The following CDH15 variants were observed in gnomAD, a reference collection of about 807,000 sequenced individuals.
CDH15 encodes cadherin 15.
CDH15 carries 73 observed loss-of-function variants against 69.4 expected under a neutral mutation model. That is an observed-to-expected ratio of 1.05 (90% CI 0.87 to 1.28). CDH15 has a LOEUF of 1.28. CDH15 is among the 50% of genes most tolerant of loss of function. CDH15 has a pLI of 0.00. For synonymous variants in CDH15, 624 were observed against 507.7 expected (o/e 1.23, Z -3.08); for missense variants, 1,343 against 1,133.6 (o/e 1.18, Z -2.65).
Position 89,185,321 on chromosome 16 carries a change from G to A in CDH15, c.651G>A (p.Gly217=), listed in dbSNP as rs970591786. ...LTGEIRTVQV[G]LDREVVAVYN... The stretch of plus-strand genomic sequence containing the variant: ...GAGAGATCCGCACAGTGCAAGTGGG[G>A]CTGGACCGCGAGGTGAGGTGGCGCC... Residue 217 remains glycine, a synonymous_variant, in exon 5 of 14, where the codon GGG becomes GGA. Transcript: ENST00000289746. 6.2e-7 allele frequency: 1 copy of A among 1,602,196 alleles called. No individual in the cohort carries two copies. Among genetic ancestry groups the A allele is most frequent in the Non-Finnish European group, 8.5e-7 (1 of 1,174,724 alleles).
At chr16:89,194,587 C>A (rs894094499) in intron 13 of CDH15, among the ~76,000 whole-genome samples, 1 of 152,178 alleles carries the variant, frequency 6.6e-6, no homozygotes, top group African/African-American at 2.4e-5. Flanking sequence ...GGGGAGCAAC[C>A]CCTTCCCACC....
intron 5 of CDH15, among the ~76,000 whole-genome samples, chr16:89,186,540 C>G (rs368567018): frequency 1.5e-5 from 2 of 132,544 alleles, no homozygotes; most frequent in Admixed American, 7.6e-5. Context: ...TCTGTAAACG[C>G]TTACCCAGCG....
intron 5 of CDH15, chr16:89,185,755 G>A (rs1253715999): frequency 7.0e-6 from 2 of 284,852 alleles, no homozygotes; most frequent in African/African-American, 4.4e-5. Flanking sequence ...CTGTTACGTG[G>A]TCTTTGTCCA....
At chr16:89,179,395 A>G (rs755817977) in intron 1 of CDH15, 21 bp from the exon 2 acceptor site, 1 of 1,613,182 alleles carries the variant, frequency 6.2e-7, no homozygotes, top group Non-Finnish European at 8.5e-7. Context: ...GTACTGTGGG[A>G]CGCATCTGTC....
In CDH15 at chr16:89,193,461, AT is replaced by A. The variant is rs1915705903; in HGVS notation, c.1856-7del. 1.9e-6 allele frequency: 3 copies of A among 1,598,244 alleles called. No individual in the cohort carries two copies. The highest frequency in any genetic ancestry group is 1.7e-6 in the Non-Finnish European group (2 of 1,172,350). On this transcript the variant is annotated splice_region_variant and splice_polypyrimidine_tract_variant and intron_variant, in intron 11 of 13. Coordinates refer to ENST00000289746, the MANE Select transcript of CDH15 (RefSeq NM_004933.3). ...GCCTGGCCCCAGCCTGCGTCCCCTC[AT>A]TCCCCAGTGCTGGTCCTGCTCGTGG...
intron 1 of CDH15, among the ~76,000 whole-genome samples, chr16:89,173,133 G>A (rs1045272713): frequency 9.9e-5 from 15 of 152,134 alleles, no homozygotes; most frequent in African/African-American, 2.4e-4. Flanking sequence ...AGACAGTGGT[G>A]GGGGGAGACA....
chr16:89,190,824 T>C (rs1915621146), intron 8 of CDH15, among the ~76,000 whole-genome samples: 1 of 152,078 alleles, frequency 6.6e-6, no homozygotes, highest in Non-Finnish European at 1.5e-5. Context: ...TCCCTGTCTG[T>C]GTCCACGGGG....
intron 5 of CDH15, 156 bp downstream of exon 5, chr16:89,185,489 G>A (rs1247102489): frequency 2.2e-6 from 2 of 892,276 alleles, no homozygotes; most frequent in Non-Finnish European, 3.6e-6. Flanking sequence ...ATGGCATGGG[G>A]TGAACCCACT....
intron 3 of CDH15, 31 bp downstream of exon 3, chr16:89,180,386 C>G: frequency 6.2e-7 from 1 of 1,603,514 alleles, no homozygotes; most frequent in Non-Finnish European, 8.5e-7. Flanking sequence ...ACCTGTGCCC[C>G]TCAAGCAGGC....
intron 6 of CDH15, among the ~76,000 whole-genome samples, chr16:89,187,880 G>A (rs1487703882): frequency 1.3e-5 from 2 of 152,212 alleles, no homozygotes; most frequent in Non-Finnish European, 2.9e-5. Context: ...AGCCCACAGA[G>A]GAGGACCATG....
At chr16:89,188,836 GTGCCCACACACAGA>G (rs1915562633) in intron 7 of CDH15, among the ~76,000 whole-genome samples, 1 of 54,208 alleles carries the variant, frequency 1.8e-5, no homozygotes, top group East Asian at 7.4e-4. Flanking sequence ...CCACGCACAG[GTGCCCACACACAGA>G]TGCCCACGCA....
intron 1 of CDH15, among the ~76,000 whole-genome samples, chr16:89,177,433 C>T (rs1193133622): frequency 6.6e-6 from 1 of 152,144 alleles, no homozygotes; most frequent in Non-Finnish European, 1.5e-5. Flanking sequence ...ATATCTAGAA[C>T]ATTCTGGCAG....
At position 89,193,441 on chromosome 16, in the gene CDH15, GCCCCAGCCTGCGTC is replaced by G; in HGVS notation, c.1856-25_1856-12del. The G allele has an allele frequency of 6.3e-7, 1 of 1,588,032 alleles. No homozygotes were observed. Among genetic ancestry groups the G allele is most frequent in the African/African-American group, 1.4e-5 (1 of 73,838 alleles). Reference sequence around the variant, plus strand: ...CCCCTGAAGTCGCGCCCTGTGCCTGGCCCCAGCCTGCGTCCCCTCATTCCCCAGTGCTGGTCCTG... The same window carrying G: ...CCCCTGAAGTCGCGCCCTGTGCCTGGCCCTCATTCCCCAGTGCTGGTCCTG... On this transcript the variant is annotated splice_polypyrimidine_tract_variant and intron_variant, in intron 11 of 13. Transcript: ENST00000289746.
chr16:89,174,599 C>T (rs1915220373), intron 1 of CDH15, among the ~76,000 whole-genome samples: 1 of 152,210 alleles, frequency 6.6e-6, no homozygotes, highest in African/African-American at 2.4e-5. Flanking sequence ...GAGCAGACCT[C>T]AAGAGAGGCG....
intron 3 of CDH15, among the ~76,000 whole-genome samples, chr16:89,182,425 G>A (rs1915400688): frequency 1.3e-5 from 2 of 150,882 alleles, no homozygotes; most frequent in Non-Finnish European, 2.9e-5. Context: ...TGGATCACCT[G>A]AGGTCAGGAG....
rs1251257606 is a variant in CDH15 at position 89,180,256 on chromosome 16, C to T, written c.258C>T (p.Gly86=). The T allele has an allele frequency of 4.3e-6, 7 of 1,609,734 alleles. No homozygotes were observed. Among genetic ancestry groups the T allele is most frequent in the African/African-American group, 4.0e-5 (3 of 74,796 alleles). ...GSVIYSIQGP[G]VDEEPRGVFS... is the part of the protein sequence containing the mutation. ...TCATCTACAGCATCCAGGGACCCGGCGTGGATGAGGAGCCCCGGGGCGTCT... is the reference window on the plus strand; with the variant it reads ...TCATCTACAGCATCCAGGGACCCGGTGTGGATGAGGAGCCCCGGGGCGTCT... The change falls in exon 3 of 14, where the codon GGC becomes GGT. Residue 86 remains glycine (G), a synonymous_variant. Coordinates refer to ENST00000289746, the MANE Select transcript of CDH15 (RefSeq NM_004933.3).
intron 10 of CDH15, 53 bp downstream of exon 10, chr16:89,191,947 C>A: frequency 1.3e-6 from 2 of 1,487,236 alleles, no homozygotes; most frequent in Non-Finnish European, 1.8e-6. Flanking sequence ...CCCCCACCCC[C>A]ACATTCCGGC....
chr16:89,181,225 A>T (rs1381034456), intron 3 of CDH15, among the ~76,000 whole-genome samples: 2 of 152,120 alleles, frequency 1.3e-5, no homozygotes, highest in Non-Finnish European at 2.9e-5. Context: ...CCTGGCCCCA[A>T]AATAATGTTG....
intron 13 of CDH15, among the ~76,000 whole-genome samples, chr16:89,194,419 C>G (rs942714107): frequency 6.6e-6 from 1 of 152,230 alleles, no homozygotes; most frequent in South Asian, 2.1e-4. Context: ...AGGTGTACAC[C>G]CCCGGTTAGG....
Sources: allele counts gnomAD v4.1 joint callset (sites outside exome capture counted in the v4.1 genomes callset), GRCh38; gene constraint gnomAD v4.1.1; transcripts MANE v1.5; gene names NCBI Gene and HGNC (gene_info 2026-07-23, HGNC 2026-07-21).